The following TRAIP variants were observed in gnomAD, a reference collection of about 807,000 sequenced individuals.
TRAIP encodes TRAF interacting protein.
A neutral mutation model predicts 65.0 loss-of-function variants in TRAIP; 37 were observed. The ratio of observed to expected loss-of-function variants is 0.57; its 90% CI spans 0.44 to 0.75. The LOEUF is 0.75. Ranked by LOEUF, TRAIP falls within the 30% of genes least tolerant of loss-of-function variation. The pLI is 0.00. For synonymous variants in TRAIP, 187 were observed against 219.1 expected (o/e 0.85, Z 1.29); for missense variants, 481 against 579.4 (o/e 0.83, Z 1.74).
rs1027276622 is a variant in TRAIP at position 49,844,439 on chromosome 3, C to T, written c.280+102G>A. On this transcript the variant is annotated intron_variant, in intron 4 of 14. Transcript: ENST00000331456. ...CTTGGACATACAAAGCAGGGAAAGG[C>T]CCTGGCTCTCCCAAACGGTTTGAAA... 5.0e-5 allele frequency: 65 copies of T among 1,301,498 alleles called. No homozygotes were observed. In the Middle Eastern group the frequency reaches 2.0e-3, roughly 40 times the overall value. 80.6% of individuals were successfully genotyped at this position (1,301,498 alleles called of 1,614,324 possible). A position where few individuals can be genotyped will look rare whatever the true frequency, so the allele number is the denominator to read the frequency against.
Position 49,831,965 on chromosome 3 carries a change from A to C in TRAIP, c.988T>G (p.Ser330Ala), listed in dbSNP as rs1219363271. The change falls in exon 11 of 15, where the codon TCC becomes GCC. Residue 330 changes from serine (S) to alanine (A), a missense_variant. Ser to Ala is a moderately conservative substitution (Grantham distance 99). Transcript: ENST00000331456. ...FDVDTPPARP[S>A]SSQHGYYEKL... is the part of the protein sequence containing the mutation. ...TCGTAGTAACCATGCTGGGAGCTGG[A>C]GGGCCGGGCTGGGGGAGTATCCACA... is the stretch of plus-strand genomic sequence containing the variant. 2 of 1,603,972 alleles carry C rather than the reference A, an allele frequency of 1.2e-6. No homozygotes were observed. The highest frequency in any genetic ancestry group is 1.7e-5 in the Admixed American group (1 of 58,440).
At chr3:49,829,959 G>A (rs2081718091) in intron 12 of TRAIP, 61 bp downstream of exon 12, 4 of 1,604,008 alleles carry the variant, frequency 2.5e-6, no homozygotes, top group African/African-American at 1.3e-5. Flanking sequence ...GCAAGACCGT[G>A]CCCTCCCAAA....
At chr3:49,842,077 C>G (rs1420913245) in intron 6 of TRAIP, 138 bp from the exon 7 acceptor site, 1 of 697,210 alleles carries the variant, frequency 1.4e-6, no homozygotes, top group Non-Finnish European at 2.6e-6. Flanking sequence ...GTGGGTGTGC[C>G]CAAGGAAAGG....
chr3:49,848,949 C>G (rs1440115233), intron 1 of TRAIP, among the ~76,000 whole-genome samples: 1 of 151,714 alleles, frequency 6.6e-6, no homozygotes, highest in Non-Finnish European at 1.5e-5. Flanking sequence ...TTGGTTCAAA[C>G]GATTCTCCTA....
At chr3:49,842,078 C>A in intron 6 of TRAIP, 139 bp from the exon 7 acceptor site, 1 of 690,730 alleles carries the variant, frequency 1.4e-6, no homozygotes, top group Non-Finnish European at 2.6e-6. Flanking sequence ...TGGGTGTGCC[C>A]AAGGAAAGGC....
At chr3:49,854,194 A>G (rs970074189) in intron 1 of TRAIP, among the ~76,000 whole-genome samples, 1 of 152,066 alleles carries the variant, frequency 6.6e-6, no homozygotes, top group African/African-American at 2.4e-5. Flanking sequence ...GCATGGTGAC[A>G]TGCACCTGTA....
rs71080556 is a variant in TRAIP, at chr3:49,828,603, GT to G, written c.*499del. On this transcript the variant is annotated 3_prime_UTR_variant, in exon 15 of 15. Coordinates refer to ENST00000331456, the MANE Select transcript of TRAIP (RefSeq NM_005879.3). ...CTCTCAGAACCAGGAAGAAGAGATTGTTTTTTTTTTTTAATTTTATTTTACA... is the reference window on the plus strand; with the variant it reads ...CTCTCAGAACCAGGAAGAAGAGATTGTTTTTTTTTTTAATTTTATTTTACA... The G allele has an allele frequency of 5.9e-4, 89 of 150,572 alleles. No individual in the cohort carries two copies. Among genetic ancestry groups the G allele is most frequent in the Admixed American group, 1.1e-3 (17 of 15,396 alleles). The allele number at this position is 150,572 out of a possible 1,614,324, so 9.3% of individuals were successfully genotyped here.
intron 10 of TRAIP, among the ~76,000 whole-genome samples, chr3:49,833,608 T>G (rs1319379841): frequency 6.6e-6 from 1 of 151,890 alleles, no homozygotes; most frequent in Non-Finnish European, 1.5e-5. Context: ...GCCTCCTGAG[T>G]AGCTGGGGCT....
At chr3:49,838,272 T>G (rs1165621614) in intron 10 of TRAIP, among the ~76,000 whole-genome samples, 1 of 152,220 alleles carries the variant, frequency 6.6e-6, no homozygotes, top group African/African-American at 2.4e-5. Context: ...AGAAGAAGGC[T>G]TGTCAAGTTT....
intron 1 of TRAIP, 94 bp downstream of exon 1, chr3:49,856,261 TG>T: frequency 9.2e-7 from 1 of 1,081,514 alleles, no homozygotes; most frequent in Non-Finnish European, 1.4e-6. Flanking sequence ...ATCACTTGTC[TG>T]GATTCCGGGG....
intron 1 of TRAIP, among the ~76,000 whole-genome samples, chr3:49,850,970 CTTTT>C (rs1244136943): frequency 7.0e-6 from 1 of 142,090 alleles, no homozygotes. Context: ...TTCCTGTTTT[CTTTT>C]TTTTTTTTGG....
intron 1 of TRAIP, 131 bp downstream of exon 1, chr3:49,856,225 G>C: frequency 2.7e-6 from 2 of 752,790 alleles, no homozygotes; most frequent in Non-Finnish European, 4.4e-6. Flanking sequence ...AGCTCCCGTG[G>C]GGCCTCGTCT....
In TRAIP at chr3:49,840,176, G is replaced by T. The variant is rs949443719; in HGVS notation, c.795+108C>A. ...TGACCCAGGAGGATGCAGGGGCCCA[G>T]AACCACCACTGACTGGTGCAAGGGT... On this transcript the variant is annotated intron_variant, in intron 9 of 14. Coordinates refer to ENST00000331456, the MANE Select transcript of TRAIP (RefSeq NM_005879.3). The T allele has an allele frequency of 4.7e-6, 5 of 1,065,460 alleles. No individual in the cohort carries two copies. The East Asian group carries it at 9.9e-5, about 21-fold the overall frequency. 66.0% of individuals were successfully genotyped at this position (1,065,460 alleles called of 1,614,324 possible). A position where few individuals can be genotyped will look rare whatever the true frequency, so the allele number is the denominator to read the frequency against.
chr3:49,848,194 A>C lies in TRAIP; in HGVS notation c.105T>G (p.Ile35Met). The C allele has an allele frequency of 6.2e-7, 1 of 1,614,202 alleles. No individual in the cohort carries two copies. The highest frequency in any genetic ancestry group is 8.5e-7 in the Non-Finnish European group (1 of 1,180,022). Residue 35 changes from isoleucine (I) to methionine (M), a missense_variant, in exon 2 of 15, where the codon ATT (isoleucine) becomes ATG (methionine). By Grantham distance (10) the Ile-to-Met change is conservative. Transcript: ENST00000331456. ...GACTTGGTGCTGTCTCAAACCACTG[A>C]ATTAGGCTGGAATGAAAAGCAGAAC... ...CGHTFHLQCLIQWFETAPSRT... is the reference protein window; with the variant it reads ...CGHTFHLQCLMQWFETAPSRT...
At position 49,829,478 on chromosome 3, in the gene TRAIP, G is replaced by A. The variant is rs748457345; in HGVS notation, c.1267C>T (p.Arg423Trp). 19 of 1,613,976 alleles carry A rather than the reference G, an allele frequency of 1.2e-5. No individual in the cohort carries two copies. Among genetic ancestry groups the A allele is most frequent in the East Asian group, 2.2e-5 (1 of 44,890 alleles). The change falls in exon 14 of 15, where the codon CGG becomes TGG. Residue 423 changes from arginine to tryptophan, a missense_variant. Coordinates refer to ENST00000331456, the MANE Select transcript of TRAIP (RefSeq NM_005879.3). The stretch of plus-strand genomic sequence containing the variant: ...GATACAGGCTGGATGAATTTTGTCC[G>A]GCCACCGAGCCCATCGAAGCCTGTC... ...VRTGFDGLGG[R>W]TKFIQPTDTV...
Position 49,829,665 on chromosome 3 carries a change from C to A in TRAIP, c.1188G>T (p.Gln396His). ...PIFVRNAILG[Q>H]KQPKRPRSES... ...CTGACCTGGGCCTCTTGGGCTGTTT[C>A]TGGCCTAGGATGGCATTCCGGACAA... is the stretch of plus-strand genomic sequence containing the variant. The change falls in exon 13 of 15, where the codon CAG becomes CAT. Residue 396 changes from glutamine (Q) to histidine (H), a missense_variant. Physicochemically the swap from Gln to His is conservative, Grantham distance 24 (BLOSUM62 0). Coordinates refer to ENST00000331456, the MANE Select transcript of TRAIP (RefSeq NM_005879.3). 1 of 1,614,188 alleles carries A rather than the reference C, an allele frequency of 6.2e-7. No individual in the cohort carries two copies. The highest frequency in any genetic ancestry group is 8.5e-7 in the Non-Finnish European group (1 of 1,180,030).
chr3:49,829,658 G>C lies in TRAIP; in HGVS notation c.1195C>G (p.Pro399Ala). ...GAGGACTCTGACCTGGGCCTCTTGG[G>C]CTGTTTCTGGCCTAGGATGGCATTC... is the stretch of plus-strand genomic sequence containing the variant. Reference protein sequence around the residue: ...VRNAILGQKQPKRPRSESSCS... With the variant: ...VRNAILGQKQAKRPRSESSCS... Residue 399 changes from proline (P) to alanine (A), a missense_variant, in exon 13 of 15, where the codon CCC becomes GCC. Pro to Ala is a conservative substitution (Grantham distance 27). Transcript: ENST00000331456. 6.2e-7 allele frequency: 1 copy of C among 1,614,200 alleles called. No homozygotes were observed. Among genetic ancestry groups the C allele is most frequent in the Non-Finnish European group, 8.5e-7 (1 of 1,180,028 alleles).
intron 11 of TRAIP, 108 bp from the exon 12 acceptor site, chr3:49,830,176 C>A: frequency 8.0e-7 from 1 of 1,257,078 alleles, no homozygotes; most frequent in South Asian, 1.3e-5. Flanking sequence ...ACTGCTGCTG[C>A]CATGCCTGCA....
At chr3:49,847,697 T>C (rs2081897158) in intron 2 of TRAIP, 89 bp from the exon 3 acceptor site, 6 of 830,294 alleles carry the variant, frequency 7.2e-6, no homozygotes, top group African/African-American at 1.7e-5. Context: ...ACTACCTGCC[T>C]GACATGCATG....
Sources: allele counts gnomAD v4.1 joint callset (sites outside exome capture counted in the v4.1 genomes callset), GRCh38; gene constraint gnomAD v4.1.1; transcripts MANE v1.5; gene names NCBI Gene and HGNC (gene_info 2026-07-23, HGNC 2026-07-21).